Variants in NSUN7 observed in about 807,000 individuals in gnomAD.
NSUN7 encodes protein NSUN7.
A neutral mutation model predicts 58.5 loss-of-function variants in NSUN7; 39 were observed. The observed-to-expected ratio is 0.67, with a 90% CI of 0.52 to 0.87. The LOEUF (loss-of-function observed/expected upper bound fraction) is 0.87. NSUN7 is among the 40% of genes least tolerant of loss of function. NSUN7 has a pLI of 0.00. For missense variants in NSUN7, 765 were observed against 844.1 expected (o/e 0.91, Z 1.16); for synonymous variants, 278 against 303.7 (o/e 0.92, Z 0.88).
chr4:40,765,444 C>T (rs914202535), intron 4 of NSUN7, among the ~76,000 whole-genome samples: 20 of 150,974 alleles, frequency 1.3e-4, no homozygotes, highest in African/African-American at 4.9e-4. Context: ...ATCTATATCT[C>T]TGTTTTGATA....
At position 40,806,548 on chromosome 4, in the gene NSUN7, CTA is replaced by C. The variant is rs1553920227; in HGVS notation, c.1401-511_1401-510del. On this transcript the variant is annotated intron_variant, in intron 10 of 11. Coordinates refer to ENST00000381782, the MANE Select transcript of NSUN7 (RefSeq NM_024677.6). ...TCTTTGTTATGTACTTTCTTGAACA[CTA>C]TGTAACTCATCTATTAATCCTCAAA... Among the ~76,000 whole-genome samples, 4 of 152,132 alleles carry C rather than the reference CTA, an allele frequency of 2.6e-5. 1 individual carries two copies. The highest frequency in any genetic ancestry group is 4.1e-4 in the South Asian group (2 of 4,836).
intron 7 of NSUN7, among the ~76,000 whole-genome samples, chr4:40,780,814 T>G (rs1395786444): frequency 1.5e-5 from 1 of 64,642 alleles, no homozygotes; most frequent in African/African-American, 7.1e-5. Context: ...TATATATATA[T>G]TTTTTTTTTT....
Position 40,774,368 on chromosome 4 carries a change from A to G in NSUN7, c.592A>G (p.Arg198Gly), listed in dbSNP as rs749553633. 5 of 1,614,066 alleles carry G rather than the reference A, an allele frequency of 3.1e-6. No individual in the cohort carries two copies. Among genetic ancestry groups the G allele is most frequent in the Middle Eastern group, 1.6e-4 (1 of 6,062 alleles). ...LPETVRKQEL[R>G]ASTLPLYAWI... ...AGAAACAGTTAGGAAACAGGAACTA[A>G]GGGCCTCCACTTTACCACTTTATGC... The change falls in exon 5 of 12, where the codon AGG (arginine) becomes GGG (glycine). Residue 198 changes from arginine (R) to glycine (G), a missense_variant. By Grantham distance (125) the Arg-to-Gly change is moderately radical. Coordinates refer to ENST00000381782, the MANE Select transcript of NSUN7 (RefSeq NM_024677.6).
intron 9 of NSUN7, among the ~76,000 whole-genome samples, chr4:40,797,195 C>T (rs1469861207): frequency 2.0e-5 from 3 of 152,152 alleles, no homozygotes; most frequent in Non-Finnish European, 2.9e-5. Context: ...TCTGTCTCAA[C>T]ACCCTGTTTA....
chr4:40,808,826 C>T lies in NSUN7; in HGVS notation c.2044C>T (p.Pro682Ser). Residue 682 changes from proline (P) to serine (S), a missense_variant, in exon 12 of 12, where the codon CCC (proline) becomes TCC (serine). Physicochemically the swap from Pro to Ser is moderately conservative, Grantham distance 74. Transcript: ENST00000381782. ...TQHLYCRWVA[P>S]KALVPTCLPT... ...ACATTTGTACTGTCGTTGGGTTGCA[C>T]CCAAGGCACTTGTGCCCACCTGCCT... is the stretch of plus-strand genomic sequence containing the variant. 6.5e-7 allele frequency: 1 copy of T among 1,549,714 alleles called. No homozygotes were observed. Among genetic ancestry groups the T allele is most frequent in the Non-Finnish European group, 8.7e-7 (1 of 1,146,680 alleles).
intron 2 of NSUN7, among the ~76,000 whole-genome samples, chr4:40,757,775 T>G (rs905730003): frequency 1.0e-4 from 15 of 150,206 alleles, no homozygotes; most frequent in Non-Finnish European, 5.9e-5. Context: ...TAATGCATTC[T>G]GCACAATATC....
chr4:40,801,915 A>AAAAG (rs1553919956), intron 10 of NSUN7, among the ~76,000 whole-genome samples: 159 of 150,414 alleles, frequency 1.1e-3, no homozygotes, highest in Non-Finnish European at 2.0e-3. Flanking sequence ...AAAAAAAAAA[A>AAAAG]AAAAGAAAAG....
In NSUN7 at chr4:40,798,789, A is replaced by G. The variant is rs1357094648; in HGVS notation, c.1285A>G (p.Thr429Ala). ...YEQLTHAMKF[T>A]KAQAVVYCTC... ...CATTGCATCTTCTTCTAATATAGTTACTAAAGCTCAAGCAGTTGTTTACTG... is the reference window on the plus strand; with the variant it reads ...CATTGCATCTTCTTCTAATATAGTTGCTAAAGCTCAAGCAGTTGTTTACTG... The change falls in exon 10 of 12, where the codon ACT becomes GCT. Residue 429 changes from threonine (T) to alanine (A), a missense_variant and splice_region_variant. Physicochemically the swap from Thr to Ala is moderately conservative, Grantham distance 58. Coordinates refer to ENST00000381782, the MANE Select transcript of NSUN7 (RefSeq NM_024677.6). 1.3e-6 allele frequency: 2 copies of G among 1,575,798 alleles called. No individual in the cohort carries two copies. Among genetic ancestry groups the G allele is most frequent in the African/African-American group, 2.7e-5 (2 of 74,082 alleles).
At chr4:40,797,274 G>T (rs1171696404) in intron 9 of NSUN7, among the ~76,000 whole-genome samples, 3 of 152,130 alleles carry the variant, frequency 2.0e-5, no homozygotes, top group Admixed American at 1.3e-4. Context: ...CTTGGTGATT[G>T]TATCTAGTCT....
rs1416562860 is a variant in NSUN7, at chr4:40,774,939, CTT to C, written c.815_816del (p.Leu272HisfsTer22). On this transcript the variant is annotated frameshift_variant, in exon 6 of 12. Transcript: ENST00000381782. LOFTEE classifies it high-confidence loss of function. ...INIDLFKDYK[L>X]IFQDKSRSLA... The stretch of plus-strand genomic sequence containing the variant: ...TATAGATCTTTTCAAAGATTACAAA[CTT>C]ATATTTCAGGTAAACTAATATTTAC... 1 of 1,130,848 alleles carries C rather than the reference CTT, an allele frequency of 8.8e-7. No homozygotes were observed. The highest frequency in any genetic ancestry group is 1.3e-6 in the Non-Finnish European group (1 of 759,706). The allele number at this position is 1,130,848 out of a possible 1,614,324, so 70.1% of individuals were successfully genotyped here. A position where few individuals can be genotyped will look rare whatever the true frequency, so the allele number is the denominator to read the frequency against.
chr4:40,757,983 C>T (rs1372101752), intron 2 of NSUN7, among the ~76,000 whole-genome samples: 3 of 152,172 alleles, frequency 2.0e-5, no homozygotes, highest in Middle Eastern at 3.4e-3. Flanking sequence ...TGCAATGTCA[C>T]GATCTCGGCT....
intron 4 of NSUN7, 151 bp downstream of exon 4, chr4:40,761,452 A>G (rs774559430): frequency 1.3e-5 from 8 of 617,296 alleles, no homozygotes; most frequent in Non-Finnish European, 2.1e-5. Flanking sequence ...CTTTACAAAC[A>G]GTCTTGAACA....
In NSUN7 at chr4:40,790,460, A is replaced by G. The variant is rs531050766; in HGVS notation, c.1037-142A>G. 9.2e-6 allele frequency: 5 copies of G among 545,476 alleles called. No homozygotes were observed. The South Asian group carries it at 1.5e-4, about 16-fold the overall frequency. 33.8% of individuals were successfully genotyped at this position (545,476 alleles called of 1,614,324 possible). The stretch of plus-strand genomic sequence containing the variant: ...AACTTTGGGTAGATATCAGAGAAGA[A>G]TAGCCTTCTTTTCTAACTACATCAA... On this transcript the variant is annotated intron_variant, in intron 7 of 11. Coordinates refer to ENST00000381782, the MANE Select transcript of NSUN7 (RefSeq NM_024677.6).
chr4:40,801,680 T>C (rs1349294658), intron 10 of NSUN7, among the ~76,000 whole-genome samples: 1 of 151,954 alleles, frequency 6.6e-6, no homozygotes, highest in South Asian at 2.1e-4. Context: ...GGTGGGCCAT[T>C]TGAGCTCAGG....
chr4:40,794,379 A>C lies in NSUN7; in HGVS notation c.1185A>C (p.Thr395=). ...GCATTTCTTTTTAAAATTCAGATAC[A>C]GAATTCCTTAAAGATCACTCTCAAG... is the stretch of plus-strand genomic sequence containing the variant. ...VEFILNEHED[T]EFLKDHSQGG... Residue 395 remains threonine, a synonymous_variant, in exon 9 of 12, where the codon ACA becomes ACC. Coordinates refer to ENST00000381782, the MANE Select transcript of NSUN7 (RefSeq NM_024677.6). 1 of 1,590,816 alleles carries C rather than the reference A, an allele frequency of 6.3e-7. No individual in the cohort carries two copies.
At chr4:40,779,434 T>G (rs1742420840) in intron 7 of NSUN7, among the ~76,000 whole-genome samples, 1 of 152,078 alleles carries the variant, frequency 6.6e-6, no homozygotes, top group Admixed American at 6.5e-5. Flanking sequence ...AAACAGCGTC[T>G]TTACTAAAAA....
intron 7 of NSUN7, among the ~76,000 whole-genome samples, chr4:40,784,903 G>T (rs1329536045): frequency 6.6e-6 from 1 of 152,174 alleles, no homozygotes; most frequent in African/African-American, 2.4e-5. Context: ...AACATGATCA[G>T]CAAGTTAACC....
chr4:40,774,050 G>A (rs928629931), intron 4 of NSUN7, among the ~76,000 whole-genome samples: 3 of 152,126 alleles, frequency 2.0e-5, no homozygotes, highest in Non-Finnish European at 2.9e-5. Flanking sequence ...CACTTGCCTC[G>A]GCCTCCCAAA....
chr4:40,780,279 CATAA>C (rs1449149693), intron 7 of NSUN7, among the ~76,000 whole-genome samples: 1 of 147,470 alleles, frequency 6.8e-6, no homozygotes, highest in Non-Finnish European at 1.5e-5. Context: ...GACTCCGTCT[CATAA>C]ATCAATCAAT....
Sources: gnomAD v4.1 joint callset for allele counts (sites outside exome capture counted in the v4.1 genomes callset) on GRCh38, gnomAD v4.1.1 for gene constraint, MANE v1.5 for transcripts, NCBI Gene and HGNC (gene_info 2026-07-23, HGNC 2026-07-21) for gene names.